The following TMEM132C variants were observed in gnomAD, a reference collection of about 807,000 sequenced individuals.
TMEM132C encodes transmembrane protein 132C, also known as protein phosphatase 1, regulatory subunit 152.
In TMEM132C, 29 loss-of-function variants were observed where a neutral mutation model predicts 61.4. That is an observed-to-expected ratio of 0.47 (90% CI 0.35 to 0.64). The LOEUF (loss-of-function observed/expected upper bound fraction) is 0.64. Among genes scored for constraint, TMEM132C ranks in the 30% least tolerant of loss-of-function variants. The probability of loss-of-function intolerance (pLI) is 0.00; values close to 1 mark genes in which losing one functional copy is unlikely to be tolerated. For missense variants in TMEM132C, 1,408 were observed against 1,476.9 expected (o/e 0.95, Z 0.76); for synonymous variants, 656 against 633.1 (o/e 1.04, Z -0.54).
intron 1 of TMEM132C, among the ~76,000 whole-genome samples, chr12:128,373,948 G>A (rs1874103989): frequency 1.3e-5 from 2 of 152,198 alleles, no homozygotes; most frequent in Non-Finnish European, 2.9e-5. Flanking sequence ...AGTCAGGCGA[G>A]TAGTGGGATT....
chr12:128,597,087 C>T (rs1054354085), intron 3 of TMEM132C, among the ~76,000 whole-genome samples: 4 of 152,164 alleles, frequency 2.6e-5, no homozygotes, highest in African/African-American at 9.7e-5. Context: ...TTTGCTTCTC[C>T]AAATCAGCTT....
At chr12:128,436,292 G>C (rs1869586833) in intron 2 of TMEM132C, among the ~76,000 whole-genome samples, 1 of 152,110 alleles carries the variant, frequency 6.6e-6, no homozygotes, top group Non-Finnish European at 1.5e-5. Context: ...AGCCAAAATA[G>C]ACAAATGGGA....
At chr12:128,484,689 A>G (rs1400813641) in intron 2 of TMEM132C, among the ~76,000 whole-genome samples, 1 of 152,072 alleles carries the variant, frequency 6.6e-6, no homozygotes, top group African/African-American at 2.4e-5. Context: ...CAGCGTGGCG[A>G]CTCATGCCTG....
At chr12:128,355,698 C>T (rs1873481389) in intron 1 of TMEM132C, among the ~76,000 whole-genome samples, 1 of 152,120 alleles carries the variant, frequency 6.6e-6, no homozygotes, top group African/African-American at 2.4e-5. Flanking sequence ...CTCCTTTCCT[C>T]CACACTGTCC....
chr12:128,365,210 A>G (rs566090399), intron 1 of TMEM132C, among the ~76,000 whole-genome samples: 2 of 152,238 alleles, frequency 1.3e-5, no homozygotes, highest in South Asian at 4.2e-4. Flanking sequence ...TGGCTGATCA[A>G]AGCCAAGTTG....
intron 1 of TMEM132C, among the ~76,000 whole-genome samples, chr12:128,377,665 G>A (rs1434081153): frequency 1.3e-5 from 2 of 152,160 alleles, no homozygotes; most frequent in African/African-American, 2.4e-5. Flanking sequence ...TGTCCTGATG[G>A]TGATGAAAAT....
chr12:128,575,670 C>G (rs898539224), intron 3 of TMEM132C, among the ~76,000 whole-genome samples: 2 of 152,100 alleles, frequency 1.3e-5, no homozygotes, highest in African/African-American at 4.8e-5. Context: ...AACAATTGCC[C>G]CTCCACTGAA....
chr12:128,425,254 G>A (rs949483508), intron 2 of TMEM132C, among the ~76,000 whole-genome samples: 16 of 152,328 alleles, frequency 1.1e-4, no homozygotes, highest in African/African-American at 3.6e-4. Context: ...TGCACACCGC[G>A]GCCAGCCTTT....
At chr12:128,552,430 A>G (rs1479375414) in intron 3 of TMEM132C, among the ~76,000 whole-genome samples, 2 of 152,232 alleles carry the variant, frequency 1.3e-5, no homozygotes, top group Non-Finnish European at 2.9e-5. Context: ...GAACTGAGGT[A>G]TCATACCATT....
intron 1 of TMEM132C, among the ~76,000 whole-genome samples, chr12:128,271,951 G>A (rs761341113): frequency 6.6e-6 from 1 of 152,228 alleles, no homozygotes; most frequent in Non-Finnish European, 1.5e-5. Context: ...GTGAAGGAAA[G>A]TATTACTGAA....
chr12:128,268,996 A>G (rs1870419384), intron 1 of TMEM132C, among the ~76,000 whole-genome samples: 1 of 79,682 alleles, frequency 1.3e-5, no homozygotes, highest in African/African-American at 5.2e-5. Flanking sequence ...GTGGAGGAGT[A>G]GGAGAGGGGG....
At chr12:128,406,869 G>A (rs1875367212) in intron 1 of TMEM132C, among the ~76,000 whole-genome samples, 1 of 152,180 alleles carries the variant, frequency 6.6e-6, no homozygotes, top group South Asian at 2.1e-4. Flanking sequence ...CACACAGCCA[G>A]GCATGAGTTT....
chr12:128,285,650 T>A (rs941508703), intron 1 of TMEM132C, among the ~76,000 whole-genome samples: 2 of 151,454 alleles, frequency 1.3e-5, no homozygotes, highest in Non-Finnish European at 2.9e-5. Context: ...TCTCTCTCTC[T>A]CTCTCTCCCT....
At chr12:128,286,062 CCTCT>C (rs138264526) in intron 1 of TMEM132C, among the ~76,000 whole-genome samples, 1,537 of 92,292 alleles carry the variant, frequency 0.017, 102 homozygotes, top group African/African-American at 0.056. Context: ...TCTCTCCCTT[CCTCT>C]CTCTCTCTCT....
At chr12:128,508,299 G>A (rs958132918) in intron 2 of TMEM132C, among the ~76,000 whole-genome samples, 1 of 152,088 alleles carries the variant, frequency 6.6e-6, no homozygotes, top group South Asian at 2.1e-4. Context: ...TTCAGTTATC[G>A]CCCACTGGGT....
intron 2 of TMEM132C, among the ~76,000 whole-genome samples, chr12:128,534,278 G>A (rs1299688397): frequency 1.3e-5 from 2 of 152,176 alleles, no homozygotes; most frequent in East Asian, 1.9e-4. Flanking sequence ...CCTTGTAGAT[G>A]GCGTGAGCCC....
chr12:128,501,955 A>T (rs1265741890), intron 2 of TMEM132C, among the ~76,000 whole-genome samples: 1 of 152,232 alleles, frequency 6.6e-6, no homozygotes, highest in Non-Finnish European at 1.5e-5. Flanking sequence ...GAGGGGCCTG[A>T]GTACCAATCC....
chr12:128,584,098 C>T (rs1875450666), intron 3 of TMEM132C, among the ~76,000 whole-genome samples: 1 of 152,226 alleles, frequency 6.6e-6, no homozygotes, highest in South Asian at 2.1e-4. Flanking sequence ...CTGAAAGAGG[C>T]AGATGATCCA....
chr12:128,440,229 C>T (rs1383520473), intron 2 of TMEM132C, among the ~76,000 whole-genome samples: 1 of 152,210 alleles, frequency 6.6e-6, no homozygotes, highest in African/African-American at 2.4e-5. Flanking sequence ...CTATATCAGT[C>T]TAGCAATTGT....
Sources: gnomAD v4.1 joint callset for allele counts (sites outside exome capture counted in the v4.1 genomes callset) on GRCh38, gnomAD v4.1.1 for gene constraint, MANE v1.5 for transcripts, NCBI Gene and HGNC (gene_info 2026-07-23, HGNC 2026-07-21) for gene names.